The following CTSH variants were observed in gnomAD, a reference collection of about 807,000 sequenced individuals.
CTSH encodes the protein pro-cathepsin H.
In CTSH, 52 loss-of-function variants were observed where a neutral mutation model predicts 56.3. That is an observed-to-expected ratio of 0.92 (90% CI 0.74 to 1.16). CTSH has a LOEUF of 1.16. Among genes scored for constraint, CTSH ranks in the 50% most tolerant of loss-of-function variants. The pLI is 0.00. For synonymous variants in CTSH, 174 were observed against 155.7 expected (o/e 1.12, Z -0.88); for missense variants, 406 against 424.5 (o/e 0.96, Z 0.38).
At chr15:78,942,696 A>G (rs2055321067) in intron 1 of CTSH, among the ~76,000 whole-genome samples, 1 of 152,180 alleles carries the variant, frequency 6.6e-6, no homozygotes, top group Non-Finnish European at 1.5e-5. Flanking sequence ...GAATGAGAGG[A>G]AAGAGGTTCC....
intron 11 of CTSH, 102 bp from the exon 12 acceptor site, chr15:78,922,307 C>A: frequency 2.3e-6 from 2 of 879,896 alleles, no homozygotes; most frequent in South Asian, 1.4e-5. Flanking sequence ...GGGGTGAGAC[C>A]CTCTAAATTT....
chr15:78,927,594 C>G (rs959350936), intron 9 of CTSH, 119 bp downstream of exon 9: 1 of 861,558 alleles, frequency 1.2e-6, no homozygotes, highest in South Asian at 1.5e-5. Flanking sequence ...AATATGAACT[C>G]GTCAAAGGGA....
intron 9 of CTSH, chr15:78,926,482 G>C (rs2054905781): frequency 6.6e-6 from 1 of 152,318 alleles, no homozygotes; most frequent in South Asian, 2.1e-4. Context: ...GTTCTGGCCT[G>C]GTCGTCAGGG....
intron 1 of CTSH, among the ~76,000 whole-genome samples, chr15:78,941,780 A>C (rs965979425): frequency 3.5e-5 from 5 of 143,528 alleles, no homozygotes; most frequent in Admixed American, 2.2e-4. Flanking sequence ...TGGGCGACAG[A>C]ATGAGACTCC....
chr15:78,935,113 A>G, intron 4 of CTSH, 31 bp from the exon 5 acceptor site: 1 of 1,485,664 alleles, frequency 6.7e-7, no homozygotes, highest in Non-Finnish European at 9.4e-7. Flanking sequence ...ATTTTCAGGA[A>G]AATAAACAAA....
intron 1 of CTSH, 194 bp downstream of exon 1, chr15:78,944,697 G>T: frequency 9.0e-7 from 1 of 1,109,902 alleles, no homozygotes; most frequent in South Asian, 2.3e-5. Context: ...GGTCCTACAA[G>T]CCGCCCACCC....
intron 7 of CTSH, among the ~76,000 whole-genome samples, chr15:78,930,384 A>G (rs1482857679): frequency 1.3e-5 from 2 of 152,014 alleles, no homozygotes; most frequent in African/African-American, 4.8e-5. Context: ...AAAATTAGCC[A>G]GGTGTGGTGG....
chr15:78,931,363 C>T, intron 7 of CTSH, 88 bp downstream of exon 7: 1 of 1,555,666 alleles, frequency 6.4e-7, no homozygotes, highest in Non-Finnish European at 8.9e-7. Flanking sequence ...TGGGTTATAT[C>T]TGTGGCAGAC....
At chr15:78,943,975 CCTCTGGCCCAGATTCAGCCTCAGTGAT>C (rs1421324195) in intron 1 of CTSH, among the ~76,000 whole-genome samples, 62 of 152,322 alleles carry the variant, frequency 4.1e-4, no homozygotes, top group East Asian at 2.9e-3. Context: ...ATGAGGCAAC[CCTCTGGCCCAGATTCAGCCTCAGTGAT>C]CTCTGTCCCA....
rs757044759 is a variant in CTSH, at chr15:78,929,495, T to A, written c.549-2A>T. The A allele has an allele frequency of 1.9e-6, 3 of 1,608,178 alleles. No individual in the cohort carries two copies. The Admixed American group carries it at 5.0e-5, about 27-fold the overall frequency. Reference sequence around the variant, plus strand: ...TCGAAAGCCTGGCTGGGGAGACCCCTGCAAGAAGTACACACAGGTGAGCCC... The same window carrying A: ...TCGAAAGCCTGGCTGGGGAGACCCCAGCAAGAAGTACACACAGGTGAGCCC... On this transcript the variant is annotated splice_acceptor_variant, in intron 7 of 11. Coordinates refer to ENST00000220166, the MANE Select transcript of CTSH (RefSeq NM_004390.5). LOFTEE classifies it high-confidence loss of function.
intron 1 of CTSH, among the ~76,000 whole-genome samples, chr15:78,941,323 G>T (rs2055283202): frequency 6.7e-6 from 1 of 149,380 alleles, no homozygotes; most frequent in Non-Finnish European, 1.5e-5. Context: ...TACTTGGGAG[G>T]CTGAGGCAGA....
chr15:78,929,487 G>T lies in CTSH; in HGVS notation c.555C>A (p.Leu185=). The T allele has an allele frequency of 6.2e-7, 1 of 1,610,124 alleles. No individual in the cohort carries two copies. The highest frequency in any genetic ancestry group is 8.5e-7 in the Non-Finnish European group (1 of 1,177,968). Residue 185 remains leucine, a synonymous_variant, in exon 8 of 12, where the codon CTC becomes CTA. Coordinates refer to ENST00000220166, the MANE Select transcript of CTSH (RefSeq NM_004390.5). ...DFNNHGCQGG[L]PSQAFEYILY... ...GGATATACTCGAAAGCCTGGCTGGG[G>T]AGACCCCTGCAAGAAGTACACACAG...
intron 1 of CTSH, 119 bp from the exon 2 acceptor site, chr15:78,939,290 C>A: frequency 2.8e-6 from 2 of 720,762 alleles, no homozygotes; most frequent in Non-Finnish European, 4.6e-6. Flanking sequence ...TTTAAAACAC[C>A]AAAAATGGTG....
rs796670708 is a variant in CTSH at position 78,942,250 on chromosome 15, C to T, written c.91+2641G>A. 3.4e-3 allele frequency among the ~76,000 whole-genome samples: 423 copies of T among 124,100 alleles called. 3 individuals are homozygous for T. The highest frequency in any genetic ancestry group is 0.013 in the African/African-American group (399 of 31,804). 81.4% of individuals were successfully genotyped at this position (124,100 alleles called of 152,430 possible). ...TTTTTTTTTGAGAAGGAGGCTGGCT[C>T]TGTTGCCCAGGCTGGAGGGCAGTGG... On this transcript the variant is annotated intron_variant, in intron 1 of 11. Transcript: ENST00000220166.
In CTSH at chr15:78,929,513, G is replaced by A. The variant is rs201570995; in HGVS notation, c.549-20C>T. 1.1e-4 allele frequency: 172 copies of A among 1,590,594 alleles called. No individual in the cohort carries two copies. Among genetic ancestry groups the A allele is most frequent in the Non-Finnish European group, 1.8e-5 (21 of 1,163,296 alleles). ...AGACCCCTGCAAGAAGTACACACAG[G>A]TGAGCCCACCTGGGGCTGTCCTGAT... On this transcript the variant is annotated intron_variant, in intron 7 of 11. Transcript: ENST00000220166.
chr15:78,923,699 C>G (rs2054829015), intron 10 of CTSH, among the ~76,000 whole-genome samples: 1 of 152,220 alleles, frequency 6.6e-6, no homozygotes, highest in African/African-American at 2.4e-5. Flanking sequence ...AGGAGAGAGC[C>G]ACCTTCCTGC....
intron 2 of CTSH, 30 bp from the exon 3 acceptor site, chr15:78,937,453 T>C: frequency 1.9e-6 from 3 of 1,587,536 alleles, no homozygotes; most frequent in Non-Finnish European, 2.6e-6. Flanking sequence ...TAGCAAGTCA[T>C]GGAAACAGGC....
intron 6 of CTSH, among the ~76,000 whole-genome samples, 171 bp downstream of exon 6, chr15:78,932,201 G>A (rs1256449391): frequency 3.3e-5 from 5 of 152,100 alleles, no homozygotes; most frequent in Non-Finnish European, 4.4e-5. Context: ...GATCCTTCCC[G>A]GGAAAAGCAT....
At chr15:78,923,193 T>A (rs2054814968) in intron 10 of CTSH, 75 bp from the exon 11 acceptor site, 4 of 1,553,362 alleles carry the variant, frequency 2.6e-6, no homozygotes, top group Non-Finnish European at 2.6e-6. Flanking sequence ...CAACAACGCC[T>A]CTTTGAGCGC....
Sources: allele counts gnomAD v4.1 joint callset (sites outside exome capture counted in the v4.1 genomes callset), GRCh38; gene constraint gnomAD v4.1.1; transcripts MANE v1.5; gene names NCBI Gene and HGNC (gene_info 2026-07-23, HGNC 2026-07-21).